Variants in KCNU1 observed in about 807,000 individuals in gnomAD.
KCNU1 encodes potassium calcium-activated channel subfamily U member 1, also known as potassium channel subfamily U member 1.
A neutral mutation model predicts 126.8 loss-of-function variants in KCNU1; 93 were observed. The ratio of observed to expected loss-of-function variants is 0.73; its 90% CI spans 0.62 to 0.87. The LOEUF (loss-of-function observed/expected upper bound fraction) is 0.87, where lower values mean the gene tolerates loss of function less well. Among genes scored for constraint, KCNU1 ranks in the 40% least tolerant of loss-of-function variants. The probability of loss-of-function intolerance (pLI) is 0.00; values close to 1 mark genes in which losing one functional copy is unlikely to be tolerated. For synonymous variants in KCNU1, 523 were observed against 494.2 expected, an observed-to-expected ratio of 1.06 and a Z score of -0.77; for missense variants, 1,330 against 1,367.1, an observed-to-expected ratio of 0.97 and a Z score of 0.43.
chr8:36,878,887 T>A (rs1189562502), intron 19 of KCNU1, among the ~76,000 whole-genome samples: 2 of 147,756 alleles, frequency 1.4e-5, no homozygotes, highest in Non-Finnish European at 3.0e-5. Flanking sequence ...TATAAATATA[T>A]AATACATTTT....
At position 36,808,811 on chromosome 8, in the gene KCNU1, A is replaced by G. The variant is rs117422478; in HGVS notation, c.732+18A>G. 0.02 allele frequency: 31,104 copies of G among 1,573,242 alleles called. 455 individuals carry two copies. Among genetic ancestry groups the G allele is most frequent in the South Asian group, 0.053 (4,684 of 88,938 alleles). ...TTCACCTGGTAAGCATCTCATCACA[A>G]TCCCTAGTGGTGTCTGTTGTTACCA... On this transcript the variant is annotated intron_variant, in intron 7 of 26. Transcript: ENST00000399881.
rs543546039 is a variant in KCNU1 at position 36,833,450 on chromosome 8, C to T, written c.1107-104C>T. On this transcript the variant is annotated intron_variant, in intron 10 of 26. Coordinates refer to ENST00000399881, the MANE Select transcript of KCNU1 (RefSeq NM_001031836.3). ...ACTTGATTTGTATTTTTTCATATCA[C>T]TATGAGGGATTCTACTAAATGCACC... 39 of 637,338 alleles carry T rather than the reference C, an allele frequency of 6.1e-5. No homozygotes were observed. In the African/African-American group the frequency reaches 7.1e-4, roughly 12 times the overall value. The allele number at this position is 637,338 out of a possible 1,614,324, so 39.5% of individuals were successfully genotyped here.
chr8:36,847,299 A>G (rs574317723), intron 18 of KCNU1, among the ~76,000 whole-genome samples: 1 of 152,326 alleles, frequency 6.6e-6, no homozygotes, highest in East Asian at 1.9e-4. Context: ...TACAATGTAT[A>G]ATGATCAAAT....
chr8:36,804,453 C>T lies in KCNU1; in HGVS notation c.377+365C>T, dbSNP rs138131638. Among the ~76,000 whole-genome samples the T allele has an allele frequency of 2.7e-3, 416 of 152,254 alleles. 1 individual carries two copies. The highest frequency in any genetic ancestry group is 9.3e-3 in the African/African-American group (388 of 41,548). On this transcript the variant is annotated intron_variant, in intron 3 of 26. Transcript: ENST00000399881. ...TTTCCTTAGATTTGGAGCAGAAACG[C>T]TGTCGTAGTTTCAGGGTTTCTCATA...
chr8:36,815,637 T>C lies in KCNU1; in HGVS notation c.945T>C (p.Phe315=). Residue 315 remains phenylalanine, a synonymous_variant, in exon 9 of 27, where the codon TTT becomes TTC. Transcript: ENST00000399881. ...ANYIPEMVEL[F]ANKRKYTSSY... ...ATATACCTGAAATGGTGGAACTGTT[T>C]GCTAACAAGAGGAAATACACCAGTT... The C allele has an allele frequency of 6.3e-7, 1 of 1,597,306 alleles. No homozygotes were observed. The highest frequency in any genetic ancestry group is 8.5e-7 in the Non-Finnish European group (1 of 1,171,420).
intron 18 of KCNU1, among the ~76,000 whole-genome samples, chr8:36,847,769 C>G (rs1264074683): frequency 6.6e-6 from 1 of 152,166 alleles, no homozygotes; most frequent in Non-Finnish European, 1.5e-5. Flanking sequence ...TATAGTCCTA[C>G]AATAAACATG....
At chr8:36,812,241 G>T (rs1803745625) in intron 7 of KCNU1, among the ~76,000 whole-genome samples, 1 of 150,362 alleles carries the variant, frequency 6.7e-6, no homozygotes, top group African/African-American at 2.5e-5. Flanking sequence ...TTAGTCAGGT[G>T]TGGTGGCAGG....
intron 24 of KCNU1, chr8:36,929,022 A>C (rs1343318085): frequency 2.9e-6 from 2 of 699,846 alleles, no homozygotes; most frequent in Non-Finnish European, 5.2e-6. Context: ...ATTTTACTTA[A>C]TCCTGCAAGC....
chr8:36,788,511 T>C (rs1802792430), intron 2 of KCNU1, among the ~76,000 whole-genome samples: 1 of 152,228 alleles, frequency 6.6e-6, no homozygotes, highest in Admixed American at 6.5e-5. Context: ...GGAAGTAGTT[T>C]CATGTGAGCT....
At chr8:36,881,796 TCACACACACACACACACA>T (rs10522369) in intron 19 of KCNU1, among the ~76,000 whole-genome samples, 104 of 138,928 alleles carry the variant, frequency 7.5e-4, no homozygotes, top group Non-Finnish European at 9.9e-4. Flanking sequence ...AAAAGTCAAA[TCACACACACACACACACA>T]CACACACACA....
At chr8:36,841,093 A>T (rs1585443263) in intron 16 of KCNU1, 90 bp downstream of exon 16, 1 of 876,360 alleles carries the variant, frequency 1.1e-6, no homozygotes, top group East Asian at 2.6e-5. Flanking sequence ...TTTTCCAAAG[A>T]TGCAGCTATA....
Position 36,922,532 on chromosome 8 carries a change from T to A in KCNU1, c.2639T>A (p.Leu880Gln). ...NIHFIEQLGG[L>Q]EGSLQETNLH... is the part of the protein sequence containing the mutation. ...CACTTTATTGAACAGCTTGGTGGAC[T>A]GGAAGGGTCCCTCCAAGAAACAAAT... Residue 880 changes from leucine (L) to glutamine (Q), a missense_variant, in exon 24 of 27, where the codon CTG becomes CAG. Around this residue, in one of 3 missense-constraint regions of KCNU1, gnomAD observed 1,054 missense variants for 1,053.9 expected, o/e 1.00. Coordinates refer to ENST00000399881, the MANE Select transcript of KCNU1 (RefSeq NM_001031836.3). 1 of 1,613,594 alleles carries A rather than the reference T, an allele frequency of 6.2e-7. No homozygotes were observed. The highest frequency in any genetic ancestry group is 8.5e-7 in the Non-Finnish European group (1 of 1,179,666).
At chr8:36,788,977 A>G (rs568159293) in intron 2 of KCNU1, among the ~76,000 whole-genome samples, 1 of 152,310 alleles carries the variant, frequency 6.6e-6, no homozygotes, top group Non-Finnish European at 1.5e-5. Flanking sequence ...TTATTTAATG[A>G]AGGGAAACTG....
intron 19 of KCNU1, 46 bp from the exon 20 acceptor site, chr8:36,905,662 G>A (rs1237862383): frequency 2.0e-6 from 2 of 1,001,566 alleles, no homozygotes; most frequent in African/African-American, 1.6e-5. Context: ...TTGTTACAGA[G>A]GAGCTCCAAA....
intron 18 of KCNU1, among the ~76,000 whole-genome samples, chr8:36,850,821 C>T (rs1372613802): frequency 1.3e-5 from 2 of 152,160 alleles, no homozygotes; most frequent in Non-Finnish European, 2.9e-5. Context: ...TTACTCTTTT[C>T]ATTGTGGCTA....
intron 14 of KCNU1, among the ~76,000 whole-genome samples, chr8:36,838,918 G>C (rs1006648884): frequency 6.6e-6 from 1 of 152,186 alleles, no homozygotes; most frequent in East Asian, 1.9e-4. Flanking sequence ...TTATTCTTTG[G>C]TGCTTTCAAT....
chr8:36,923,098 G>A lies in KCNU1; in HGVS notation c.2736+469G>A, dbSNP rs1298619416. The A allele has an allele frequency of 3.1e-5, 14 of 456,038 alleles. No homozygotes were observed. The Admixed American group carries it at 3.3e-4, about 11-fold the overall frequency. 28.2% of individuals were successfully genotyped at this position (456,038 alleles called of 1,614,324 possible). On this transcript the variant is annotated intron_variant, in intron 24 of 26. Coordinates refer to ENST00000399881, the MANE Select transcript of KCNU1 (RefSeq NM_001031836.3). ...CTCCCTCCATGTTCCTCCTCTCATG[G>A]GGGGCATTCTTGACTACATGGTTAT...
chr8:36,924,674 T>C (rs1808476611), intron 24 of KCNU1, among the ~76,000 whole-genome samples: 1 of 152,186 alleles, frequency 6.6e-6, no homozygotes, highest in African/African-American at 2.4e-5. Flanking sequence ...GAGAAAGTGT[T>C]ATATCACTGT....
chr8:36,841,053 T>C (rs1804938476), intron 16 of KCNU1, 50 bp downstream of exon 16: 1 of 1,222,838 alleles, frequency 8.2e-7, no homozygotes, highest in Non-Finnish European at 1.2e-6. Flanking sequence ...TTTTTTTTTT[T>C]TTTCCTGGAG....
Sources: allele counts gnomAD v4.1 joint callset (sites outside exome capture counted in the v4.1 genomes callset), GRCh38; gene constraint gnomAD v4.1.1; regional missense constraint gnomAD v4.1.1; transcripts MANE v1.5; gene names NCBI Gene and HGNC (gene_info 2026-07-23, HGNC 2026-07-21).